Variants in ANP32B observed in about 807,000 individuals in gnomAD.
ANP32B encodes acidic leucine-rich nuclear phosphoprotein 32 family member B.
In ANP32B, 6 loss-of-function variants were observed where a neutral mutation model predicts 32.2. The observed-to-expected ratio is 0.19, with a 90% confidence interval of 0.10 to 0.37. The LOEUF (loss-of-function observed/expected upper bound fraction) is 0.37, where lower values mean the gene tolerates loss of function less well. Among genes scored for constraint, ANP32B ranks in the 10% least tolerant of loss-of-function variants. The probability of loss-of-function intolerance (pLI) is 1.00; values close to 1 mark genes in which losing one functional copy is unlikely to be tolerated. For missense variants in ANP32B, 204 were observed against 289.2 expected, an observed-to-expected ratio of 0.71 and a Z score of 2.14; for synonymous variants, 98 against 105.8, an observed-to-expected ratio of 0.93 and a Z score of 0.45.
chr9:97,994,834 TATG>T, intron 2 of ANP32B, 54 bp downstream of exon 2: 1 of 1,516,810 alleles, frequency 6.6e-7, no homozygotes, highest in Admixed American at 2.2e-5. Flanking sequence ...AGGGAAAATG[TATG>T]ATTTTACCTG....
intron 4 of ANP32B, among the ~76,000 whole-genome samples, chr9:98,006,425 T>C (rs1416263160): frequency 6.7e-6 from 1 of 150,214 alleles, no homozygotes; most frequent in East Asian, 2.0e-4. Flanking sequence ...CCGCACTGCG[T>C]ATTTGTCTCA....
chr9:98,011,308 TGAA>T lies in ANP32B; in HGVS notation c.561_563del (p.Glu189del), dbSNP rs766534738. The T allele has an allele frequency of 2.6e-6, 4 of 1,548,834 alleles. No homozygotes were observed. The highest frequency in any genetic ancestry group is 4.9e-5 in the East Asian group (2 of 41,032). ...AGGAAGACGAGGACGATGAGGATGG[TGAA>T]GAAGAGGAGTTTGATGAAGAAGATG... is the stretch of plus-strand genomic sequence containing the variant. On this transcript the variant is annotated inframe_deletion, in exon 5 of 7. Transcript: ENST00000339399.
intron 3 of ANP32B, 64 bp from the exon 4 acceptor site, chr9:98,004,900 G>C (rs984756748): frequency 1.5e-5 from 20 of 1,340,824 alleles, no homozygotes; most frequent in Non-Finnish European, 2.1e-5. Context: ...ACCTCTTCAA[G>C]AGATGGATTT....
chr9:97,983,986 G>C (rs1256048135), intron 1 of ANP32B, among the ~76,000 whole-genome samples: 1 of 150,340 alleles, frequency 6.7e-6, no homozygotes, highest in African/African-American at 2.4e-5. Context: ...CCGGGCGGAG[G>C]CCCGGCCTGC....
intron 1 of ANP32B, chr9:97,984,760 C>T (rs1168392016): frequency 2.0e-5 from 3 of 150,196 alleles, no homozygotes; most frequent in African/African-American, 4.9e-5. Flanking sequence ...CGGCCGCCGC[C>T]GACTCATCCC....
At chr9:98,005,341 C>A in intron 4 of ANP32B, 188 bp downstream of exon 4, 1 of 410,846 alleles carries the variant, frequency 2.4e-6, no homozygotes, top group Non-Finnish European at 4.3e-6. Flanking sequence ...TACCTTGTTT[C>A]TACAGAAAAT....
chr9:97,985,392 G>C (rs1383221828), intron 1 of ANP32B, among the ~76,000 whole-genome samples: 2 of 152,244 alleles, frequency 1.3e-5, no homozygotes, highest in East Asian at 3.9e-4. Context: ...GGCCGCTCCG[G>C]GGGTTGCGAG....
intron 1 of ANP32B, among the ~76,000 whole-genome samples, chr9:97,986,023 G>A (rs907617573): frequency 2.6e-5 from 4 of 152,004 alleles, no homozygotes; most frequent in African/African-American, 9.7e-5. Flanking sequence ...GTTTCTCCCT[G>A]TTGTTCAGGC....
At position 98,015,689 on chromosome 9, in the gene ANP32B, C is replaced by G; in HGVS notation, c.*258C>G. On this transcript the variant is annotated 3_prime_UTR_variant, in exon 7 of 7. Transcript: ENST00000339399. The stretch of plus-strand genomic sequence containing the variant: ...GTTAGGTTTTTGTGTAAGATTCTTG[C>G]TGTAGCGTGGATAGCTGTGATTGGT... 1 of 1,151,260 alleles carries G rather than the reference C, an allele frequency of 8.7e-7. No homozygotes were observed. The highest frequency in any genetic ancestry group is 1.1e-6 in the Non-Finnish European group (1 of 929,376). The allele number at this position is 1,151,260 out of a possible 1,614,324, so 71.3% of individuals were successfully genotyped here.
At chr9:97,986,193 TA>T (rs774757181) in intron 1 of ANP32B, among the ~76,000 whole-genome samples, 4 of 152,272 alleles carry the variant, frequency 2.6e-5, no homozygotes, top group Non-Finnish European at 5.9e-5. Context: ...TCAGTTAAAT[TA>T]AAACATTTTC....
intron 4 of ANP32B, among the ~76,000 whole-genome samples, chr9:98,008,125 C>T (rs960868008): frequency 6.6e-6 from 1 of 152,126 alleles, no homozygotes; most frequent in Non-Finnish European, 1.5e-5. Flanking sequence ...TCCTGATGCT[C>T]TCCGTCCCCA....
At chr9:97,988,386 T>G (rs1395799717) in intron 1 of ANP32B, among the ~76,000 whole-genome samples, 1 of 152,158 alleles carries the variant, frequency 6.6e-6, no homozygotes, top group Non-Finnish European at 1.5e-5. Context: ...CCTTCCTTAA[T>G]GCCAGCAGTC....
At chr9:98,012,317 A>T in intron 5 of ANP32B, 104 bp from the exon 6 acceptor site, 1 of 1,294,230 alleles carries the variant, frequency 7.7e-7, no homozygotes. Context: ...CTTGATTGAT[A>T]TTGTTGCATT....
intron 2 of ANP32B, among the ~76,000 whole-genome samples, chr9:97,995,440 C>T (rs1181893260): frequency 6.6e-6 from 1 of 152,204 alleles, no homozygotes; most frequent in Non-Finnish European, 1.5e-5. Flanking sequence ...TTTCAATATT[C>T]GCTTTACTAG....
chr9:98,000,196 C>A (rs1827966974), intron 3 of ANP32B, among the ~76,000 whole-genome samples: 2 of 152,194 alleles, frequency 1.3e-5, no homozygotes, highest in Non-Finnish European at 2.9e-5. Flanking sequence ...CCAGGCTGGT[C>A]TTGAACTCCT....
intron 1 of ANP32B, among the ~76,000 whole-genome samples, chr9:97,993,018 A>G (rs1272993121): frequency 1.3e-4 from 20 of 152,226 alleles, no homozygotes. Flanking sequence ...ATATGTCTCC[A>G]GAGCCCAGCT....
intron 2 of ANP32B, among the ~76,000 whole-genome samples, chr9:97,998,292 G>T (rs946535448): frequency 6.6e-6 from 1 of 152,196 alleles, no homozygotes; most frequent in Non-Finnish European, 1.5e-5. Context: ...TTTTAAGTTA[G>T]AAAATTTATT....
Position 97,992,950 on chromosome 9 carries a change from T to G in ANP32B, c.55-1681T>G, listed in dbSNP as rs530269442. On this transcript the variant is annotated intron_variant, in intron 1 of 6. Transcript: ENST00000339399. ...CTGAGGCACAGAGAAGTTAAGTGAC[T>G]CGCACAAGGTCGCACAAGTTCTGAG... is the stretch of plus-strand genomic sequence containing the variant. 8.1e-4 allele frequency among the ~76,000 whole-genome samples: 124 copies of G among 152,292 alleles called. No homozygotes were observed. The South Asian group carries it at 0.011, about 14-fold the overall frequency.
At chr9:97,986,963 T>C (rs902072764) in intron 1 of ANP32B, 1 of 152,104 alleles carries the variant, frequency 6.6e-6, no homozygotes, top group African/African-American at 2.4e-5. Context: ...TGTATATGGC[T>C]TTTTTTTAAT....
Sources: gnomAD v4.1 joint callset for allele counts (sites outside exome capture counted in the v4.1 genomes callset) on GRCh38, gnomAD v4.1.1 for gene constraint, MANE v1.5 for transcripts, NCBI Gene and HGNC (gene_info 2026-07-23, HGNC 2026-07-21) for gene names.